TRIM40: variants seen among roughly 807,000 people sequenced by gnomAD.
TRIM40 encodes the protein tripartite motif containing 40, also known as E3 ubiquitin ligase TRIM40.
TRIM40 carries 27 observed loss-of-function variants against 26.1 expected under a neutral mutation model. The observed-to-expected ratio is 1.04, with a 90% confidence interval of 0.76 to 1.43. The LOEUF (loss-of-function observed/expected upper bound fraction) is 1.43, where lower values mean the gene tolerates loss of function less well. Among genes scored for constraint, TRIM40 ranks in the 40% most tolerant of loss-of-function variants. The pLI, the probability that TRIM40 is intolerant of heterozygous loss-of-function variation, is 0.00. For synonymous variants in TRIM40, 114 were observed against 120.0 expected (o/e 0.95, Z 0.33); for missense variants, 289 against 307.9 (o/e 0.94, Z 0.46).
chr6:30,147,048 G>T lies in TRIM40; in HGVS notation c.505G>T (p.Glu169Ter), dbSNP rs148660479. ...AGPESQHQTR[E>*]QLGALPQQWL... ...GCCGGAGAGCCAGCACCAAACCAGGGAACAGCTGGGTGCCCTCCCTCAGCA... is the reference window on the plus strand; with the variant it reads ...GCCGGAGAGCCAGCACCAAACCAGGTAACAGCTGGGTGCCCTCCCTCAGCA... Residue 169 changes from glutamate (E) to a stop codon, truncating the protein, a stop_gained, in exon 4 of 6, where the codon GAA becomes TAA. Coordinates refer to ENST00000396581, the MANE Select transcript of TRIM40 (RefSeq NM_001286633.2). LOFTEE classifies it high-confidence loss of function. 1 of 1,613,474 alleles carries T rather than the reference G, an allele frequency of 6.2e-7. No homozygotes were observed. Among genetic ancestry groups the T allele is most frequent in the South Asian group, 1.1e-5 (1 of 91,052 alleles).
intron 2 of TRIM40, among the ~76,000 whole-genome samples, chr6:30,141,258 G>A (rs560162641): frequency 2.0e-5 from 3 of 152,384 alleles, no homozygotes; most frequent in South Asian, 4.1e-4. Flanking sequence ...GAGCCCAAGA[G>A]AGTGAGGCTG....
At chr6:30,147,650 T>C in intron 5 of TRIM40, 75 bp from the exon 6 acceptor site, 2 of 1,608,122 alleles carry the variant, frequency 1.2e-6, no homozygotes, top group Non-Finnish European at 8.5e-7. Context: ...TGTATCTTGA[T>C]GCTACATGGC....
At chr6:30,142,970 T>C (rs1771434940) in intron 2 of TRIM40, among the ~76,000 whole-genome samples, 1 of 152,174 alleles carries the variant, frequency 6.6e-6, no homozygotes, top group South Asian at 2.1e-4. Context: ...AATAATTTTA[T>C]TACCTGATAT....
intron 4 of TRIM40, 97 bp from the exon 5 acceptor site, chr6:30,147,423 C>A: frequency 6.3e-7 from 1 of 1,577,718 alleles, no homozygotes; most frequent in South Asian, 1.1e-5. Context: ...CTCAAGGTGG[C>A]ACCCCAGAGT....
In TRIM40 at chr6:30,147,894, T is replaced by C. The variant is rs1328889130; in HGVS notation, c.*82T>C. 1.4e-5 allele frequency: 18 copies of C among 1,244,388 alleles called. No homozygotes were observed. Among genetic ancestry groups the C allele is most frequent in the Non-Finnish European group, 2.1e-5 (18 of 846,136 alleles). The allele number at this position is 1,244,388 out of a possible 1,614,324, so 77.1% of individuals were successfully genotyped here. A position where few individuals can be genotyped will look rare whatever the true frequency, so the allele number is the denominator to read the frequency against. On this transcript the variant is annotated 3_prime_UTR_variant, in exon 6 of 6. Transcript: ENST00000396581. The stretch of plus-strand genomic sequence containing the variant: ...TCCTCCAACCTGTCCAGGCCCCCAC[T>C]GGGTCTACCCAGTGCATCTTCGGGC...
At chr6:30,147,467 A>G in intron 4 of TRIM40, 53 bp from the exon 5 acceptor site, 2 of 1,613,270 alleles carry the variant, frequency 1.2e-6, no homozygotes, top group Non-Finnish European at 1.7e-6. Context: ...AGGAATTTGG[A>G]GGTGATAGGA....
intron 2 of TRIM40, among the ~76,000 whole-genome samples, chr6:30,143,404 C>T (rs1018346708): frequency 6.8e-6 from 1 of 147,228 alleles, no homozygotes; most frequent in Non-Finnish European, 1.5e-5. Flanking sequence ...CTGTAAGGAG[C>T]ATGCATTTTG....
At position 30,147,799 on chromosome 6, in the gene TRIM40, C is replaced by T. The variant is rs1771763885; in HGVS notation, c.764C>T (p.Pro255Leu). 1 of 1,614,040 alleles carries T rather than the reference C, an allele frequency of 6.2e-7. No individual in the cohort carries two copies. Among genetic ancestry groups the T allele is most frequent in the South Asian group, 1.1e-5 (1 of 91,094 alleles). The change falls in exon 6 of 6, where the codon CCT (proline) becomes CTT (leucine). Residue 255 changes from proline (P) to leucine (L), a missense_variant. By Grantham distance (98) the Pro-to-Leu change is moderately conservative. Transcript: ENST00000396581. The stretch of plus-strand genomic sequence containing the variant: ...GTCAGTGAATTGCTTCTTCAGCCCC[C>T]TCAGAAGCTCTGACCTGTTCATCCC... Reference protein sequence around the residue: ...KGVSELLLQPPQKL With the variant: ...KGVSELLLQPLQKL
At chr6:30,136,695 A>C in intron 1 of TRIM40, 38 bp from the exon 2 acceptor site, 2 of 322,798 alleles carry the variant, frequency 6.2e-6, no homozygotes, top group African/African-American at 2.1e-5. Context: ...TGTCAAGAGG[A>C]AAACAGAATT....
intron 2 of TRIM40, among the ~76,000 whole-genome samples, chr6:30,140,330 T>C (rs1011822290): frequency 2.0e-5 from 3 of 152,170 alleles, no homozygotes; most frequent in African/African-American, 7.2e-5. Flanking sequence ...CAAATGCCCA[T>C]CAACGATAGA....
intron 2 of TRIM40, among the ~76,000 whole-genome samples, chr6:30,143,374 T>C (rs1478242566): frequency 1.3e-5 from 2 of 152,032 alleles, no homozygotes; most frequent in African/African-American, 4.8e-5. Context: ...TGTTTTTAAT[T>C]CATATTTTTG....
rs1210165108 is a variant in TRIM40, at chr6:30,136,781, G to A, written c.-256G>A. On this transcript the variant is annotated 5_prime_UTR_variant, in exon 2 of 6. Transcript: ENST00000396581. ...TTAACAAACACAAGGAAACCGCAGG[G>A]TCCATGTCAAAGCTGATGAGCTATT... 4 of 531,608 alleles carry A rather than the reference G, an allele frequency of 7.5e-6. No homozygotes were observed. Among genetic ancestry groups the A allele is most frequent in the African/African-American group, 1.9e-5 (1 of 52,844 alleles). 32.9% of individuals were successfully genotyped at this position (531,608 alleles called of 1,614,324 possible).
chr6:30,147,290 T>C, intron 4 of TRIM40, 81 bp downstream of exon 4: 2 of 1,529,180 alleles, frequency 1.3e-6, no homozygotes, highest in East Asian at 2.3e-5. Context: ...TTCTGGGAGG[T>C]GTAAGAGGGA....
intron 3 of TRIM40, among the ~76,000 whole-genome samples, 174 bp downstream of exon 3, chr6:30,146,263 G>A (rs1423989242): frequency 1.3e-5 from 2 of 152,156 alleles, no homozygotes; most frequent in Non-Finnish European, 2.9e-5. Flanking sequence ...AGTGACCTAC[G>A]CAAGTTAAGC....
chr6:30,145,873 T>C, intron 2 of TRIM40, 121 bp from the exon 3 acceptor site: 1 of 704,660 alleles, frequency 1.4e-6, no homozygotes, highest in Non-Finnish European at 2.5e-6. Flanking sequence ...CATTTCTTTT[T>C]AGGCAGAATT....
chr6:30,147,857 CCT>C lies in TRIM40; in HGVS notation c.*53_*54del. 2 of 1,550,476 alleles carry C rather than the reference CCT, an allele frequency of 1.3e-6. No homozygotes were observed. The highest frequency in any genetic ancestry group is 1.4e-5 in the African/African-American group (1 of 73,784). ...CCTCACTTCAGGCTCACCTCAGCCT[CCT>C]CTCTCTCCTTCCTCCAACCTGTCCA... On this transcript the variant is annotated 3_prime_UTR_variant, in exon 6 of 6. Coordinates refer to ENST00000396581, the MANE Select transcript of TRIM40 (RefSeq NM_001286633.2).
In TRIM40 at chr6:30,143,939, G is replaced by A. The variant is rs149419099; in HGVS notation, c.346-2055G>A. Among the ~76,000 whole-genome samples the A allele has an allele frequency of 2.0e-3, 304 of 151,980 alleles. 2 individuals carry two copies. Among genetic ancestry groups the A allele is most frequent in the African/African-American group, 7.1e-3 (296 of 41,430 alleles). On this transcript the variant is annotated intron_variant, in intron 2 of 5. Transcript: ENST00000396581. ...AGTTGGCTTTATTAAATTTTAAACT[G>A]CCAGATGATAGGACTGTGGCTTTTT...
At position 30,147,056 on chromosome 6, in the gene TRIM40, G is replaced by A. The variant is rs1214662341; in HGVS notation, c.513G>A (p.Leu171=). The A allele has an allele frequency of 6.2e-7, 1 of 1,613,708 alleles. No homozygotes were observed. The highest frequency in any genetic ancestry group is 8.5e-7 in the Non-Finnish European group (1 of 1,179,810). The change falls in exon 4 of 6, where the codon CTG becomes CTA. Residue 171 remains leucine (L), a synonymous_variant. Transcript: ENST00000396581. The part of the protein sequence containing the change: ...PESQHQTREQ[L]GALPQQWLGQ... ...GCCAGCACCAAACCAGGGAACAGCTGGGTGCCCTCCCTCAGCAGTGGCTGG... is the reference window on the plus strand; with the variant it reads ...GCCAGCACCAAACCAGGGAACAGCTAGGTGCCCTCCCTCAGCAGTGGCTGG...
Position 30,148,638 on chromosome 6 carries a change from G to A in TRIM40, c.*826G>A, listed in dbSNP as rs534199887. On this transcript the variant is annotated 3_prime_UTR_variant, in exon 6 of 6. Transcript: ENST00000396581. ...TAGTCCAGCCAACACCTTGATTATA[G>A]TCTTGTGAGTACCTAAGCTGAGGAC... is the stretch of plus-strand genomic sequence containing the variant. 6.6e-6 allele frequency: 1 copy of A among 152,364 alleles called. No individual in the cohort carries two copies. Among genetic ancestry groups the A allele is most frequent in the South Asian group, 2.1e-4 (1 of 4,832 alleles). 9.4% of individuals were successfully genotyped at this position (152,364 alleles called of 1,614,324 possible). A position where few individuals can be genotyped will look rare whatever the true frequency, so the allele number is the denominator to read the frequency against.
Sources: allele counts gnomAD v4.1 joint callset (sites outside exome capture counted in the v4.1 genomes callset), GRCh38; gene constraint gnomAD v4.1.1; transcripts MANE v1.5; gene names NCBI Gene and HGNC (gene_info 2026-07-23, HGNC 2026-07-21).